Variants in PCDH15 observed in about 807,000 individuals in gnomAD.
PCDH15 encodes protocadherin related 15, also known as protocadherin-15.
PCDH15 carries 129 observed loss-of-function variants against 178.5 expected under a neutral mutation model. That is an observed-to-expected ratio of 0.72 (90% CI 0.63 to 0.84). The LOEUF (loss-of-function observed/expected upper bound fraction) is 0.84. PCDH15 is among the 40% of genes least tolerant of loss of function. The probability of loss-of-function intolerance (pLI) is 0.00; values close to 1 mark genes in which losing one functional copy is unlikely to be tolerated. For missense variants in PCDH15, 2,230 were observed against 2,099.9 expected (o/e 1.06, Z -1.21); for synonymous variants, 800 against 732.0 (o/e 1.09, Z -1.50).
intron 3 of PCDH15, among the ~76,000 whole-genome samples, chr10:54,817,090 A>T (rs1474759935): frequency 6.6e-6 from 1 of 152,046 alleles, no homozygotes; most frequent in African/African-American, 2.4e-5. Context: ...GTTGTGGTTT[A>T]CTCATTAAAA....
chr10:54,462,241 A>G (rs2077207606), intron 3 of PCDH15, among the ~76,000 whole-genome samples: 2 of 152,018 alleles, frequency 1.3e-5, no homozygotes, highest in Middle Eastern at 3.4e-3. Flanking sequence ...ATATTTAATG[A>G]GTTGAACTAT....
At chr10:53,910,990 G>A (rs1335463957) in intron 25 of PCDH15, among the ~76,000 whole-genome samples, 2 of 152,108 alleles carry the variant, frequency 1.3e-5, no homozygotes, top group Non-Finnish European at 2.9e-5. Context: ...AATGAACAAA[G>A]CCTCCAAGAA....
intron 2 of PCDH15, among the ~76,000 whole-genome samples, chr10:54,981,625 CTT>C (rs1356539856): frequency 6.6e-6 from 1 of 152,114 alleles, no homozygotes; most frequent in Non-Finnish European, 1.5e-5. Context: ...TCTTTGAAAA[CTT>C]GGCCTAATCG....
chr10:54,712,497 G>GT (rs2095436794), intron 1 of PCDH15, among the ~76,000 whole-genome samples: 1 of 151,838 alleles, frequency 6.6e-6, no homozygotes, highest in South Asian at 2.1e-4. Flanking sequence ...TTTTGAAAAA[G>GT]TTTGAGTGCT....
intron 1 of PCDH15, among the ~76,000 whole-genome samples, chr10:54,788,808 A>G (rs1376736643): frequency 6.6e-6 from 1 of 151,764 alleles, no homozygotes; most frequent in Non-Finnish European, 1.5e-5. Context: ...GGGGCATCTC[A>G]GAAAAATAGT....
chr10:54,854,108 G>A (rs552751706), intron 3 of PCDH15, among the ~76,000 whole-genome samples: 1 of 152,304 alleles, frequency 6.6e-6, no homozygotes, highest in Non-Finnish European at 1.5e-5. Context: ...AGCTGCTGCA[G>A]CGGGACGGGC....
intron 21 of PCDH15, among the ~76,000 whole-genome samples, chr10:53,971,908 T>C (rs975205002): frequency 5.3e-5 from 8 of 152,096 alleles, no homozygotes; most frequent in African/African-American, 1.9e-4. Context: ...AAGCTACCAA[T>C]GACTTTCTTC....
In PCDH15 at chr10:53,991,808, C is replaced by T. The variant is rs898948156; in HGVS notation, c.2868+3841G>A. Among the ~76,000 whole-genome samples, 11 of 152,232 alleles carry T rather than the reference C, an allele frequency of 7.2e-5. No homozygotes were observed. The South Asian group carries it at 1.7e-3, about 23-fold the overall frequency. On this transcript the variant is annotated intron_variant, in intron 21 of 37. Coordinates refer to ENST00000644397, the MANE Select transcript of PCDH15 (RefSeq NM_001384140.1). ...GTGTCTAGCTCAGGGATTATAAATG[C>T]ACCAATCAGCACCCTGTCAAAACAG...
At chr10:54,962,781 C>T (rs146969127) in intron 2 of PCDH15, among the ~76,000 whole-genome samples, 26 of 152,284 alleles carry the variant, frequency 1.7e-4, no homozygotes, top group African/African-American at 6.0e-4. Flanking sequence ...TAACCTTTAG[C>T]AGGCATGGGA....
chr10:55,029,467 ATG>A (rs1840556963), intron 2 of PCDH15, among the ~76,000 whole-genome samples: 1 of 152,110 alleles, frequency 6.6e-6, no homozygotes, highest in Non-Finnish European at 1.5e-5. Flanking sequence ...GCTCTTCTAT[ATG>A]TACACTAGAC....
chr10:54,138,247 G>GGTGT (rs145602311), intron 14 of PCDH15, among the ~76,000 whole-genome samples: 1 of 151,480 alleles, frequency 6.6e-6, no homozygotes, highest in Non-Finnish European at 1.5e-5. Flanking sequence ...GTAATTGTGA[G>GGTGT]GTGTGTGTGT....
intron 3 of PCDH15, among the ~76,000 whole-genome samples, chr10:54,882,374 G>A (rs1361293912): frequency 5.9e-5 from 9 of 151,902 alleles, no homozygotes; most frequent in Non-Finnish European, 8.8e-5. Flanking sequence ...TCATAAAGTC[G>A]GAAAATGTCT....
chr10:54,174,402 G>T (rs1174727706), intron 13 of PCDH15, among the ~76,000 whole-genome samples: 2 of 151,988 alleles, frequency 1.3e-5, no homozygotes, highest in Non-Finnish European at 2.9e-5. Context: ...GGGCATGGTG[G>T]TGGGCTCCTG....
intron 18 of PCDH15, among the ~76,000 whole-genome samples, chr10:54,023,883 C>A (rs1411479067): frequency 7.4e-6 from 1 of 134,460 alleles, no homozygotes; most frequent in Non-Finnish European, 1.6e-5. Context: ...CACAATACTT[C>A]ATATATAAAA....
intron 2 of PCDH15, among the ~76,000 whole-genome samples, chr10:54,922,569 AT>A (rs1837522349): frequency 6.6e-6 from 1 of 152,006 alleles, no homozygotes; most frequent in African/African-American, 2.4e-5. Context: ...GGAAGACATG[AT>A]TGTGTTTTAT....
intron 2 of PCDH15, among the ~76,000 whole-genome samples, chr10:55,118,357 G>C (rs1837677984): frequency 6.6e-6 from 1 of 152,126 alleles, no homozygotes; most frequent in African/African-American, 2.4e-5. Flanking sequence ...AGTTGACAAA[G>C]CTGGCTTCTA....
intron 1 of PCDH15, among the ~76,000 whole-genome samples, chr10:55,191,027 G>A (rs979895908): frequency 1.4e-4 from 21 of 151,424 alleles, no homozygotes; most frequent in Admixed American, 1.4e-3. Context: ...AAATATTTGG[G>A]GTTTTTTAAG....
chr10:55,378,876 C>CATCTCTCTCTCTCTCTCT (rs1837460941), intron 2 of PCDH15, among the ~76,000 whole-genome samples: 1 of 104,160 alleles, frequency 9.6e-6, no homozygotes, highest in African/African-American at 4.4e-5. Context: ...TAACTCTCCC[C>CATCTCTCTCTCTCTCTCT]ATCTCTCTCT....
chr10:54,242,472 A>G (rs1221535014), intron 8 of PCDH15, among the ~76,000 whole-genome samples: 3 of 151,924 alleles, frequency 2.0e-5, no homozygotes, highest in Non-Finnish European at 4.4e-5. Flanking sequence ...AAATGCATAC[A>G]TGATGCCTAT....
Sources: gnomAD v4.1 joint callset for allele counts (sites outside exome capture counted in the v4.1 genomes callset) on GRCh38, gnomAD v4.1.1 for gene constraint, MANE v1.5 for transcripts, NCBI Gene and HGNC (gene_info 2026-07-23, HGNC 2026-07-21) for gene names.